MYCBPAP: variants seen among roughly 807,000 people sequenced by gnomAD.
The protein encoded by MYCBPAP is MYCBP associated protein.
Under a neutral mutation model 106.1 loss-of-function variants are expected in MYCBPAP, and 60 were observed. The observed-to-expected ratio is 0.57, with a 90% confidence interval of 0.46 to 0.70. MYCBPAP has a LOEUF of 0.70. MYCBPAP is among the 30% of genes least tolerant of loss of function. MYCBPAP has a pLI of 0.00. For synonymous variants in MYCBPAP, 407 were observed against 440.6 expected, an observed-to-expected ratio of 0.92 and a Z score of 0.95; for missense variants, 1,064 against 1,169.3, an observed-to-expected ratio of 0.91 and a Z score of 1.31.
At chr17:50,526,658 C>A (rs1448548988) in intron 14 of MYCBPAP, among the ~76,000 whole-genome samples, 1 of 152,132 alleles carries the variant, frequency 6.6e-6, no homozygotes, top group Non-Finnish European at 1.5e-5. Context: ...TTTTGGCTCA[C>A]TGCAACCTCT....
intron 1 of MYCBPAP, among the ~76,000 whole-genome samples, chr17:50,513,181 A>T (rs1221550093): frequency 7.1e-6 from 1 of 140,984 alleles, no homozygotes; most frequent in Non-Finnish European, 1.5e-5. Context: ...TCACGCCATT[A>T]TACTCTAGCC....
chr17:50,508,173 A>C, upstream of MYCBPAP: 1 of 210,628 alleles, frequency 4.7e-6, no homozygotes. Flanking sequence ...AGGGGGGCAG[A>C]GGGAGGTCCC....
intron 13 of MYCBPAP, chr17:50,525,233 C>T: frequency 2.0e-6 from 1 of 504,052 alleles, no homozygotes; most frequent in Admixed American, 3.8e-5. Context: ...ATTGTACACT[C>T]CTTATGAGAA....
chr17:50,530,601 G>A (rs1254846273), intron 18 of MYCBPAP, among the ~76,000 whole-genome samples: 1 of 151,552 alleles, frequency 6.6e-6, no homozygotes, highest in Non-Finnish European at 1.5e-5. Flanking sequence ...TTCGACATCA[G>A]CCTAGACAAC....
At chr17:50,521,523 G>T (rs1234088866) in intron 9 of MYCBPAP, 92 bp downstream of exon 9, 3 of 984,224 alleles carry the variant, frequency 3.0e-6, no homozygotes, top group East Asian at 5.2e-5. Flanking sequence ...TGAGATCAGG[G>T]TGCCTCTAGC....
chr17:50,509,838 A>G (rs1465216409), intron 1 of MYCBPAP: 1 of 152,298 alleles, frequency 6.6e-6, no homozygotes, highest in East Asian at 1.9e-4. Flanking sequence ...AGAAATACAA[A>G]TGCTGTGATG....
At chr17:50,525,123 G>A (rs1284588980) in intron 13 of MYCBPAP, 100 bp downstream of exon 13, 1 of 1,408,436 alleles carries the variant, frequency 7.1e-7, no homozygotes, top group Non-Finnish European at 9.7e-7. Context: ...GGGTGAGCCA[G>A]CATTACTGCC....
Position 50,527,325 on chromosome 17 carries a change from T to C in MYCBPAP, c.2208T>C (p.Asp736=), listed in dbSNP as rs2034493904. The C allele has an allele frequency of 7.4e-6, 12 of 1,613,772 alleles. No individual in the cohort carries two copies. Among genetic ancestry groups the C allele is most frequent in the Non-Finnish European group, 1.0e-5 (12 of 1,179,896 alleles). The change falls in exon 15 of 19, where the codon GAT becomes GAC. Residue 736 remains aspartate, a synonymous_variant. Transcript: ENST00000323776. ...MVLPDENHRE[D]ALMRLNKAAL... ...TCCCTGATGAGAACCACAGAGAGGA[T>C]GCGTTGATGAGGCTCAACAAAGCAG...
intron 18 of MYCBPAP, chr17:50,529,412 C>G (rs2034566093): frequency 2.0e-6 from 1 of 507,962 alleles, no homozygotes; most frequent in South Asian, 2.2e-5. Context: ...AATGGAGGCA[C>G]AGAGGCCTCA....
At chr17:50,521,071 G>A in intron 7 of MYCBPAP, 39 bp from the exon 8 acceptor site, 1 of 1,539,714 alleles carries the variant, frequency 6.5e-7, no homozygotes, top group Non-Finnish European at 8.9e-7. Flanking sequence ...AGGGGACATG[G>A]CAGCAGCCTG....
intron 9 of MYCBPAP, 45 bp downstream of exon 9, chr17:50,521,476 C>T (rs1217756151): frequency 7.3e-7 from 1 of 1,365,912 alleles, no homozygotes; most frequent in East Asian, 2.5e-5. Flanking sequence ...AAGAGTTCTC[C>T]AGCACCTACC....
chr17:50,508,191 G>A, upstream of MYCBPAP: 1 of 242,864 alleles, frequency 4.1e-6, no homozygotes, highest in Non-Finnish European at 7.8e-6. Flanking sequence ...CCCTCGACAG[G>A]ATGTGGCCTT....
At position 50,528,776 on chromosome 17, in the gene MYCBPAP, A is replaced by G. The variant is rs2034539487; in HGVS notation, c.2489A>G (p.Glu830Gly). 6.2e-7 allele frequency: 1 copy of G among 1,614,086 alleles called. No individual in the cohort carries two copies. The highest frequency in any genetic ancestry group is 8.5e-7 in the Non-Finnish European group (1 of 1,180,020). Residue 830 changes from glutamate to glycine, a missense_variant, in exon 17 of 19, where the codon GAA becomes GGA. Coordinates refer to ENST00000323776, the MANE Select transcript of MYCBPAP (RefSeq NM_032133.6). ...GKEERKGAAQ[E>G]KKQLGIKDKE... ...GAGGAGCGGAAAGGAGCAGCCCAGGAAAAGAAGCAACTGGGGATCAAAGAC... is the reference window on the plus strand; with the variant it reads ...GAGGAGCGGAAAGGAGCAGCCCAGGGAAAGAAGCAACTGGGGATCAAAGAC...
chr17:50,527,838 C>A (rs1340467988), intron 15 of MYCBPAP, among the ~76,000 whole-genome samples: 1 of 152,182 alleles, frequency 6.6e-6, no homozygotes, highest in African/African-American at 2.4e-5. Context: ...AAGTCTCATG[C>A]AAGGTTCAGC....
chr17:50,519,090 GTGAGGCCACC>G lies in MYCBPAP; in HGVS notation c.768+4_768+13del, dbSNP rs768464324. ...ACTTCCAACCCGGCGTGATAGGAAAGTGAGGCCACCTGTCCTAAGTGCCCGGGGGCAGGGG... is the reference window on the plus strand; with the variant it reads ...ACTTCCAACCCGGCGTGATAGGAAAGTGTCCTAAGTGCCCGGGGGCAGGGG... On this transcript the variant is annotated splice_donor_variant and splice_donor_5th_base_variant and intron_variant, in intron 6 of 18. Coordinates refer to ENST00000323776, the MANE Select transcript of MYCBPAP (RefSeq NM_032133.6). LOFTEE classifies it high-confidence loss of function. 4 of 1,609,404 alleles carry G rather than the reference GTGAGGCCACC, an allele frequency of 2.5e-6. No individual in the cohort carries two copies. The South Asian group carries it at 4.4e-5, about 18-fold the overall frequency.
Position 50,521,979 on chromosome 17 carries a change from A to G in MYCBPAP, c.1155A>G (p.Thr385=), listed in dbSNP as rs2034274791. 2 of 1,613,156 alleles carry G rather than the reference A, an allele frequency of 1.2e-6. No homozygotes were observed. The highest frequency in any genetic ancestry group is 1.1e-5 in the South Asian group (1 of 91,054). ...SSSEDTAYLG[T]LASSSDVSMP... ...TCATTGGCTTTTCTTACAGAGGCAC[A>G]TTGGCCAGTTCCTCTGATGTCTCCA... The change falls in exon 10 of 19, where the codon ACA becomes ACG. Residue 385 remains threonine (T), a synonymous_variant. Coordinates refer to ENST00000323776, the MANE Select transcript of MYCBPAP (RefSeq NM_032133.6).
rs1194090943 is a variant in MYCBPAP at position 50,517,601 on chromosome 17, G to C, written c.371G>C (p.Gly124Ala). The C allele has an allele frequency of 5.6e-6, 9 of 1,613,984 alleles. No homozygotes were observed. Among genetic ancestry groups the C allele is most frequent in the Middle Eastern group, 1.6e-4 (1 of 6,084 alleles). Reference protein sequence around the residue: ...ATKPLDYSGPGDSFDGSDQIL... With the variant: ...ATKPLDYSGPADSFDGSDQIL... ...TCTTCTTTTATCCTCCCAGGTCCCG[G>C]TGACAGCTTCGATGGCAGTGACCAG... is the stretch of plus-strand genomic sequence containing the variant. The change falls in exon 4 of 19, where the codon GGT becomes GCT. Residue 124 changes from glycine (G) to alanine (A), a missense_variant. Physicochemically the swap from Gly to Ala is moderately conservative, Grantham distance 60. Coordinates refer to ENST00000323776, the MANE Select transcript of MYCBPAP (RefSeq NM_032133.6).
At chr17:50,521,570 A>T (rs1481299872) in intron 9 of MYCBPAP, 139 bp downstream of exon 9, 1 of 656,862 alleles carries the variant, frequency 1.5e-6, no homozygotes. Flanking sequence ...CACTCCTTGA[A>T]CCCATTCCAG....
Position 50,524,997 on chromosome 17 carries a change from G to C in MYCBPAP, c.1756G>C (p.Asp586His). The change falls in exon 13 of 19, where the codon GAC becomes CAC. Residue 586 changes from aspartate to histidine, a missense_variant. Transcript: ENST00000323776. ...TGTGGATGCCTATCTCACCGAGGAAGACTTGTTCCGGCACAGAAATCCTCC... is the reference window on the plus strand; with the variant it reads ...TGTGGATGCCTATCTCACCGAGGAACACTTGTTCCGGCACAGAAATCCTCC... ...SPVDAYLTEE[D>H]LFRHRNPPLH... The C allele has an allele frequency of 6.2e-7, 1 of 1,613,528 alleles. No homozygotes were observed. The highest frequency in any genetic ancestry group is 8.5e-7 in the Non-Finnish European group (1 of 1,179,766).
Sources: gnomAD v4.1 joint callset for allele counts (sites outside exome capture counted in the v4.1 genomes callset) on GRCh38, gnomAD v4.1.1 for gene constraint, MANE v1.5 for transcripts, NCBI Gene and HGNC (gene_info 2026-07-23, HGNC 2026-07-21) for gene names.